PUDP: variants seen among roughly 807,000 people sequenced by gnomAD.
The protein encoded by PUDP is pseudouridine-5'-phosphatase.
PUDP carries 8 observed loss-of-function variants against 9.4 expected under a neutral mutation model. The observed-to-expected ratio is 0.85, with a 90% CI of 0.50 to 1.53. PUDP has a LOEUF of 1.53. Ranked by LOEUF, PUDP falls within the 40% of genes most tolerant of loss-of-function variation. The probability of loss-of-function intolerance (pLI) is 0.00; values close to 1 mark genes in which losing one functional copy is unlikely to be tolerated. For synonymous variants in PUDP, 99 were observed against 80.7 expected, an observed-to-expected ratio of 1.23 and a Z score of -1.22; for missense variants, 188 against 189.7, an observed-to-expected ratio of 0.99 and a Z score of 0.05.
rs866565131 is a variant in PUDP, at chrX:7,131,660, C to T, written c.61+16393G>A. 1.8e-5 allele frequency among the ~76,000 whole-genome samples: 2 copies of T among 109,362 alleles called. 1 individual carries two copies. Among genetic ancestry groups the T allele is most frequent in the African/African-American group, 6.7e-5 (2 of 30,058 alleles). The allele number at this position is 109,362 out of a possible 115,157, so 95.0% of individuals were successfully genotyped here. On this transcript the variant is annotated intron_variant, in intron 1 of 3. Coordinates refer to ENST00000381077, the MANE Select transcript of PUDP (RefSeq NM_012080.5). ...TGGAAAACTCATGCAGTCCTTCTAT[C>T]GTTCATCTGGACAATGGCAACAGCC...
At chrX:7,013,491 T>C (rs906345715) in intron 1 of PUDP, among the ~76,000 whole-genome samples, 5 of 112,288 alleles carry the variant, frequency 4.5e-5, no homozygotes, top group African/African-American at 1.3e-4. Context: ...GGGAATCTCT[T>C]GTCATGGGAA....
intron 1 of PUDP, among the ~76,000 whole-genome samples, chrX:7,118,844 CA>C (rs1280710386): frequency 8.9e-6 from 1 of 111,932 alleles, no homozygotes; most frequent in African/African-American, 3.3e-5. Context: ...TTTAATTAAA[CA>C]AATGTTGACT....
At chrX:6,814,336 G>A (rs1926192754) in intron 3 of PUDP, among the ~76,000 whole-genome samples, 4 of 109,652 alleles carry the variant, frequency 3.6e-5, no homozygotes, top group Non-Finnish European at 7.6e-5. Context: ...TAGTTGTTCT[G>A]AAAAAAAACT....
chrX:7,114,306 C>G (rs1291146393), intron 1 of PUDP, among the ~76,000 whole-genome samples: 1 of 110,987 alleles, frequency 9.0e-6, no homozygotes, highest in Non-Finnish European at 1.9e-5. Context: ...TGGTCCCAAA[C>G]TCCTGACCTC....
At chrX:6,963,846 T>C (rs1437914814) in intron 3 of PUDP, among the ~76,000 whole-genome samples, 2 of 112,281 alleles carry the variant, frequency 1.8e-5, no homozygotes, top group Non-Finnish European at 3.8e-5. Flanking sequence ...GCCCAACATT[T>C]TGCAGTTGTT....
At chrX:6,831,577 T>C (rs12687407) in intron 3 of PUDP, among the ~76,000 whole-genome samples, 21,498 of 111,307 alleles carry the variant, frequency 0.19, 1,681 homozygotes, top group East Asian at 0.46. Context: ...TTCAGTATTC[T>C]ATTTGGAAAA....
Position 7,006,130 on chromosome X carries a change from G to A in PUDP, c.205-27787C>T, listed in dbSNP as rs1047299794. On this transcript the variant is annotated intron_variant and NMD_transcript_variant, in intron 1 of 3. Transcript: ENST00000655425. Reference sequence around the variant, plus strand: ...CTTTTTGGCTATTGTAAATAGTGCTGCCATAAACGTTGAGGTACCAATATC... The same window carrying A: ...CTTTTTGGCTATTGTAAATAGTGCTACCATAAACGTTGAGGTACCAATATC... 1.8e-5 allele frequency among the ~76,000 whole-genome samples: 2 copies of A among 112,021 alleles called. 1 individual carries two copies. The highest frequency in any genetic ancestry group is 6.5e-5 in the African/African-American group (2 of 30,713).
At chrX:6,989,107 A>G (rs185774262) in intron 1 of PUDP, among the ~76,000 whole-genome samples, 1 of 111,807 alleles carries the variant, frequency 8.9e-6, no homozygotes, top group Non-Finnish European at 1.9e-5. Flanking sequence ...TAAGATACAT[A>G]TACATGCATA....
At chrX:7,011,792 G>A (rs1929480873) in intron 1 of PUDP, among the ~76,000 whole-genome samples, 1 of 112,068 alleles carries the variant, frequency 8.9e-6, no homozygotes, top group African/African-American at 3.3e-5. Flanking sequence ...TCCTTCAAGG[G>A]CTTGAGAACT....
At chrX:6,925,833 C>G (rs1928093229) in intron 3 of PUDP, among the ~76,000 whole-genome samples, 1 of 111,440 alleles carries the variant, frequency 9.0e-6, no homozygotes, top group African/African-American at 3.3e-5. Context: ...CTGGAGTGAG[C>G]AGAAAGGGAT....
chrX:6,837,592 G>T (rs756867985), intron 3 of PUDP, among the ~76,000 whole-genome samples: 1 of 112,718 alleles, frequency 8.9e-6, no homozygotes, highest in African/African-American at 3.2e-5. Flanking sequence ...CTACCTTCTA[G>T]CCTTGGTATT....
At chrX:6,784,725 A>G (rs1485028233) in intron 3 of PUDP, among the ~76,000 whole-genome samples, 1 of 112,147 alleles carries the variant, frequency 8.9e-6, no homozygotes, top group Non-Finnish European at 1.9e-5. Context: ...CATGTTATCT[A>G]TCCAAACATT....
At chrX:6,847,186 CTT>C (rs1471497283) in intron 3 of PUDP, among the ~76,000 whole-genome samples, 1 of 111,407 alleles carries the variant, frequency 9.0e-6, no homozygotes, top group Non-Finnish European at 1.9e-5. Flanking sequence ...GAAAATGTCA[CTT>C]ATATACCTTC....
At chrX:6,952,098 A>G (rs1462196731) in intron 3 of PUDP, among the ~76,000 whole-genome samples, 1 of 111,834 alleles carries the variant, frequency 8.9e-6, no homozygotes, top group African/African-American at 3.2e-5. Context: ...CAATAAGCTC[A>G]TCTCCAATCC....
At chrX:6,870,224 G>A (rs1374375624) in intron 3 of PUDP, among the ~76,000 whole-genome samples, 3 of 111,901 alleles carry the variant, frequency 2.7e-5, no homozygotes, top group African/African-American at 9.8e-5. Flanking sequence ...GAGAGTTCTG[G>A]AGATGGGAGG....
intron 3 of PUDP, among the ~76,000 whole-genome samples, chrX:6,900,333 G>T (rs1208809320): frequency 1.9e-5 from 2 of 106,719 alleles, no homozygotes; most frequent in East Asian, 6.1e-4. Context: ...ACTTGGGGGG[G>T]GGGGCGCTGC....
chrX:6,790,522 A>G (rs1481034738), intron 3 of PUDP, among the ~76,000 whole-genome samples: 2 of 112,723 alleles, frequency 1.8e-5, no homozygotes, highest in Non-Finnish European at 3.7e-5. Context: ...GATTTAGTAA[A>G]TAAAAATTCA....
At chrX:6,733,208 T>C (rs1206489709) in intron 3 of PUDP, among the ~76,000 whole-genome samples, 1 of 111,382 alleles carries the variant, frequency 9.0e-6, no homozygotes, top group African/African-American at 3.3e-5. Flanking sequence ...AAGTAAGGCT[T>C]TTAAGGGAGA....
intron 3 of PUDP, among the ~76,000 whole-genome samples, chrX:7,076,375 T>C (rs1015842972): frequency 9.0e-6 from 1 of 111,675 alleles, no homozygotes; most frequent in Non-Finnish European, 1.9e-5. Context: ...CCCCGACGGA[T>C]GCCCTCCCCA....
Sources: allele counts gnomAD v4.1 joint callset (sites outside exome capture counted in the v4.1 genomes callset), GRCh38; gene constraint gnomAD v4.1.1; transcripts MANE v1.5; gene names NCBI Gene and HGNC (gene_info 2026-07-23, HGNC 2026-07-21).